MSN: variants seen among roughly 807,000 people sequenced by gnomAD.
MSN encodes epididymis luminal protein 70.
A neutral mutation model predicts 48.0 loss-of-function variants in MSN; 2 were observed. The observed-to-expected ratio is 0.04, with a 90% CI of 0.02 to 0.13. MSN has a LOEUF of 0.13. Ranked by LOEUF, MSN falls within the 10% of genes least tolerant of loss-of-function variation. The pLI, the probability that MSN is intolerant of heterozygous loss-of-function variation, is 1.00. For missense variants in MSN, 267 were observed against 470.1 expected (o/e 0.57, Z 3.99); for synonymous variants, 146 against 166.9 (o/e 0.87, Z 0.97).
intron 1 of MSN, among the ~76,000 whole-genome samples, chrX:65,634,017 C>T (rs1382194750): frequency 1.8e-5 from 2 of 111,510 alleles, no homozygotes; most frequent in Non-Finnish European, 3.8e-5. Context: ...TCCTTTCACT[C>T]ATCTCCTTGT....
At chrX:65,729,849 A>G in intron 4 of MSN, 137 bp downstream of exon 4, 1 of 668,953 alleles carries the variant, frequency 1.5e-6, no homozygotes, top group South Asian at 3.1e-5. Flanking sequence ...ATGCTGCTCA[A>G]GAGACATTTG....
intron 1 of MSN, among the ~76,000 whole-genome samples, chrX:65,705,535 A>AC (rs2071353423): frequency 8.9e-6 from 1 of 112,041 alleles, no homozygotes; most frequent in East Asian, 2.8e-4. Flanking sequence ...AGAGGGGTTT[A>AC]CCTGGGCCTG....
chrX:65,596,084 T>G (rs1308138980), intron 1 of MSN, among the ~76,000 whole-genome samples: 1 of 111,322 alleles, frequency 9.0e-6, no homozygotes, highest in African/African-American at 3.3e-5. Flanking sequence ...TTGGTTTTTT[T>G]TTTTCTTTAT....
chrX:65,699,059 G>T lies in MSN; in HGVS notation c.13-17759G>T, dbSNP rs145793565. Among the ~76,000 whole-genome samples, 725 of 112,110 alleles carry T rather than the reference G, an allele frequency of 6.5e-3. 9 individuals are homozygous for T. The highest frequency in any genetic ancestry group is 0.023 in the African/African-American group (697 of 30,796). On this transcript the variant is annotated intron_variant, in intron 1 of 12. Coordinates refer to ENST00000360270, the MANE Select transcript of MSN (RefSeq NM_002444.3). ...AAACTGTTTGGCTGGGCTACCTGGT[G>T]AGCTACAGCCTCCCTTCAACCAGAA...
chrX:65,727,447 C>T (rs370588883), intron 2 of MSN, among the ~76,000 whole-genome samples: 17 of 112,087 alleles, frequency 1.5e-4, no homozygotes, highest in African/African-American at 4.9e-4. Flanking sequence ...TTCTGTCACT[C>T]ACAACCTGAA....
intron 1 of MSN, among the ~76,000 whole-genome samples, chrX:65,695,676 A>G (rs761902037): frequency 1.8e-5 from 2 of 110,483 alleles, no homozygotes; most frequent in Admixed American, 1.9e-4. Context: ...TCAGCTTCTT[A>G]TCTTTATTTT....
At chrX:65,669,321 C>G (rs1360793504) in intron 1 of MSN, among the ~76,000 whole-genome samples, 1 of 110,722 alleles carries the variant, frequency 9.0e-6, no homozygotes, top group Non-Finnish European at 1.9e-5. Context: ...GTGGTTGACT[C>G]CTGACTCCTC....
intron 1 of MSN, among the ~76,000 whole-genome samples, chrX:65,594,922 T>C (rs1412949380): frequency 9.0e-6 from 1 of 111,608 alleles, no homozygotes; most frequent in Non-Finnish European, 1.9e-5. Flanking sequence ...TATGCACCTG[T>C]TTCTGTAACA....
At chrX:65,700,894 GA>G (rs1174916626) in intron 1 of MSN, among the ~76,000 whole-genome samples, 13 of 111,529 alleles carry the variant, frequency 1.2e-4, no homozygotes, top group African/African-American at 3.9e-4. Context: ...GTCCTTGATG[GA>G]GGAGTTGGGA....
chrX:65,725,400 TTC>T (rs1195216323), intron 2 of MSN, among the ~76,000 whole-genome samples: 1 of 110,652 alleles, frequency 9.0e-6, no homozygotes, highest in African/African-American at 3.3e-5. Context: ...TCAGTGGGTC[TTC>T]TCTCTCTCTC....
At chrX:65,648,778 G>A (rs917341325) in intron 1 of MSN, among the ~76,000 whole-genome samples, 4 of 109,663 alleles carry the variant, frequency 3.6e-5, no homozygotes, top group Admixed American at 9.9e-5. Context: ...CAGGAGAATC[G>A]CTTGAACCTG....
At chrX:65,610,033 G>T (rs2070308456) in intron 1 of MSN, among the ~76,000 whole-genome samples, 1 of 111,901 alleles carries the variant, frequency 8.9e-6, no homozygotes, top group African/African-American at 3.2e-5. Context: ...ATAGCCATAA[G>T]AATTATATTT....
chrX:65,618,220 G>A (rs2070395371), intron 1 of MSN, among the ~76,000 whole-genome samples: 1 of 111,460 alleles, frequency 9.0e-6, no homozygotes, highest in South Asian at 3.7e-4. Context: ...ATGTCTATTA[G>A]GTCCGCTTGG....
chrX:65,658,053 G>C (rs1485468217), intron 1 of MSN, among the ~76,000 whole-genome samples: 1 of 111,992 alleles, frequency 8.9e-6, no homozygotes, highest in Non-Finnish European at 1.9e-5. Flanking sequence ...TAGGTGCCTT[G>C]TTTAATATTA....
intron 1 of MSN, among the ~76,000 whole-genome samples, chrX:65,680,177 C>CT (rs1197211323): frequency 8.1e-5 from 9 of 111,771 alleles, no homozygotes; most frequent in Non-Finnish European, 1.7e-4. Flanking sequence ...TATATTTCCC[C>CT]TTTTTTTAAA....
At chrX:65,617,947 C>T (rs2070392141) in intron 1 of MSN, among the ~76,000 whole-genome samples, 1 of 108,465 alleles carries the variant, frequency 9.2e-6, no homozygotes, top group Admixed American at 9.9e-5. Context: ...TTTATTTCTG[C>T]CTTCATTTCG....
At chrX:65,709,331 T>C (rs1226580054) in intron 1 of MSN, among the ~76,000 whole-genome samples, 1 of 112,391 alleles carries the variant, frequency 8.9e-6, no homozygotes, top group Non-Finnish European at 1.9e-5. Context: ...GGAATTCTTT[T>C]GTGTTTGTTT....
intron 1 of MSN, among the ~76,000 whole-genome samples, chrX:65,689,824 T>C (rs998768657): frequency 2.7e-5 from 3 of 112,322 alleles, no homozygotes; most frequent in Non-Finnish European, 5.6e-5. Context: ...TGTCAAAGCA[T>C]GTGGGGTTGG....
intron 1 of MSN, among the ~76,000 whole-genome samples, chrX:65,601,492 A>C (rs998709909): frequency 2.7e-5 from 3 of 112,658 alleles, no homozygotes; most frequent in African/African-American, 9.7e-5. Context: ...CCCAAAAGCC[A>C]TTGGGCCTCT....
Sources: gnomAD v4.1 joint callset for allele counts (sites outside exome capture counted in the v4.1 genomes callset) on GRCh38, gnomAD v4.1.1 for gene constraint, MANE v1.5 for transcripts, NCBI Gene and HGNC (gene_info 2026-07-23, HGNC 2026-07-21) for gene names.